The following TRPM3 variants were observed in gnomAD, a reference collection of about 807,000 sequenced individuals.
The protein encoded by TRPM3 is transient receptor potential cation channel subfamily M member 3.
TRPM3 carries 77 observed loss-of-function variants against 181.2 expected under a neutral mutation model. That is an observed-to-expected ratio of 0.42 (90% CI 0.35 to 0.51). The LOEUF (loss-of-function observed/expected upper bound fraction) is 0.51, where lower values mean the gene tolerates loss of function less well. Among genes scored for constraint, TRPM3 ranks in the 20% least tolerant of loss-of-function variants. The pLI is 0.01. For missense variants in TRPM3, 1,759 were observed against 2,196.7 expected (o/e 0.80, Z 3.98); for synonymous variants, 745 against 796.4 (o/e 0.94, Z 1.09).
chr9:70,969,777 TATAC>T lies in TRPM3; in HGVS notation c.178-105270_178-105267del, dbSNP rs1017689724. 9.5e-5 allele frequency among the ~76,000 whole-genome samples: 12 copies of T among 125,868 alleles called. 1 individual carries two copies. The highest frequency in any genetic ancestry group is 2.6e-4 in the South Asian group (1 of 3,906). The allele number at this position is 125,868 out of a possible 152,430, so 82.6% of individuals were successfully genotyped here. A position where few individuals can be genotyped will look rare whatever the true frequency, so the allele number is the denominator to read the frequency against. ...GATTTTATATATATATATATATATA[TATAC>T]ACACACACACTAAGAAATTATATAA... On this transcript the variant is annotated intron_variant, in intron 1 of 25. Coordinates refer to ENST00000677713, the MANE Select transcript of TRPM3 (RefSeq NM_001366145.2).
chr9:71,288,605 T>C (rs921849309), intron 1 of TRPM3, among the ~76,000 whole-genome samples: 1 of 152,052 alleles, frequency 6.6e-6, no homozygotes, highest in African/African-American at 2.4e-5. Flanking sequence ...TTAAAAGGCA[T>C]TTTCACACAG....
chr9:70,854,749 A>C (rs2132241298), intron 3 of TRPM3, among the ~76,000 whole-genome samples: 1 of 152,268 alleles, frequency 6.6e-6, no homozygotes, highest in African/African-American at 2.4e-5. Flanking sequence ...TTCTGTCATT[A>C]GCGTCACTGC....
At chr9:70,908,891 G>A (rs553413087) in intron 1 of TRPM3, among the ~76,000 whole-genome samples, 3 of 152,284 alleles carry the variant, frequency 2.0e-5, no homozygotes, top group South Asian at 2.1e-4. Flanking sequence ...GACAAATGGT[G>A]CTGTGTCAAC....
chr9:71,148,483 C>T (rs2075556025), intron 1 of TRPM3, among the ~76,000 whole-genome samples: 6 of 152,048 alleles, frequency 3.9e-5, no homozygotes, highest in Admixed American at 3.9e-4. Flanking sequence ...ATTTTAGATG[C>T]TTATGTGTTT....
chr9:71,249,331 T>C (rs917321032), intron 1 of TRPM3, among the ~76,000 whole-genome samples: 6 of 152,214 alleles, frequency 3.9e-5, no homozygotes, highest in Non-Finnish European at 5.9e-5. Context: ...AAACTCTACA[T>C]TGGAGCTTTG....
intron 1 of TRPM3, among the ~76,000 whole-genome samples, chr9:71,188,785 C>T (rs2077836833): frequency 6.6e-6 from 1 of 151,868 alleles, no homozygotes; most frequent in African/African-American, 2.4e-5. Context: ...ACAAGTTACT[C>T]AACAACTTTT....
intron 1 of TRPM3, among the ~76,000 whole-genome samples, chr9:71,113,838 T>C (rs773584210): frequency 2.0e-5 from 3 of 152,206 alleles, no homozygotes; most frequent in Non-Finnish European, 2.9e-5. Flanking sequence ...ATCTCTTTAC[T>C]AAAGCATTAC....
chr9:70,880,371 C>T (rs1397095770), intron 1 of TRPM3, among the ~76,000 whole-genome samples: 1 of 152,074 alleles, frequency 6.6e-6, no homozygotes, highest in Non-Finnish European at 1.5e-5. Flanking sequence ...CAGATTCAGA[C>T]TAACCTGAAA....
In TRPM3 at chr9:70,867,799, A is replaced by G. The variant is rs528213675; in HGVS notation, c.178-3288T>C. On this transcript the variant is annotated intron_variant, in intron 1 of 25. Transcript: ENST00000677713. ...GCTTTTATTCAGGTCTTTAGTGTGA[A>G]CATCATATATTAGATTTTTAAATTT... Among the ~76,000 whole-genome samples, 17 of 152,218 alleles carry G rather than the reference A, an allele frequency of 1.1e-4. 1 individual carries two copies. The East Asian group carries it at 3.3e-3, about 29-fold the overall frequency.
intron 6 of TRPM3, chr9:70,824,794 A>G (rs1432838418): frequency 6.6e-6 from 1 of 152,228 alleles, no homozygotes; most frequent in Admixed American, 6.5e-5. Flanking sequence ...GCTGTTCTAA[A>G]TTGCTGACTG....
chr9:71,011,478 G>C (rs183714462), intron 1 of TRPM3, among the ~76,000 whole-genome samples: 1 of 152,096 alleles, frequency 6.6e-6, no homozygotes, highest in Admixed American at 6.5e-5. Flanking sequence ...GAGACTACTT[G>C]CACAGTATTT....
chr9:70,670,127 G>C (rs1036804381), intron 9 of TRPM3, among the ~76,000 whole-genome samples: 3 of 152,238 alleles, frequency 2.0e-5, no homozygotes, highest in East Asian at 1.9e-4. Flanking sequence ...AGTCACAGGT[G>C]AAATTTCTCT....
upstream of TRPM3, chr9:71,121,707 T>TG (rs1034325767): frequency 2.6e-5 from 24 of 938,322 alleles, no homozygotes; most frequent in Admixed American, 1.1e-4. Flanking sequence ...TAGCTTGGTT[T>TG]GGGGGGGAGC....
intron 1 of TRPM3, among the ~76,000 whole-genome samples, chr9:71,429,122 A>C (rs1409195711): frequency 2.0e-5 from 3 of 152,178 alleles, no homozygotes; most frequent in African/African-American, 7.2e-5. Context: ...GTGGATCTTC[A>C]CTGTTCTCCT....
rs143716559 is a variant in TRPM3 at position 70,976,216 on chromosome 9, AG to A, written c.178-111706del. 9.4e-3 allele frequency among the ~76,000 whole-genome samples: 1,436 copies of A among 152,318 alleles called. 15 individuals carry two copies. Among genetic ancestry groups the A allele is most frequent in the Non-Finnish European group, 0.012 (848 of 68,034 alleles). On this transcript the variant is annotated intron_variant, in intron 1 of 25. Transcript: ENST00000677713. ...ACAACTCAGCATGACACATGGGTCA[AG>A]AAGGAGCAAGGTGGATTGAGCATCC...
chr9:70,887,236 A>G (rs1314106698), intron 1 of TRPM3, among the ~76,000 whole-genome samples: 2 of 152,174 alleles, frequency 1.3e-5, no homozygotes, highest in Non-Finnish European at 2.9e-5. Context: ...GGTTTTATTA[A>G]GCTCAAATTG....
intron 1 of TRPM3, among the ~76,000 whole-genome samples, chr9:70,921,675 C>G (rs968005105): frequency 6.6e-6 from 1 of 152,180 alleles, no homozygotes; most frequent in African/African-American, 2.4e-5. Context: ...ACTTCTAACA[C>G]AAAGACCCAT....
intron 1 of TRPM3, among the ~76,000 whole-genome samples, chr9:71,239,749 A>T (rs1295525044): frequency 2.0e-5 from 3 of 152,148 alleles, no homozygotes. Flanking sequence ...TTAGTAACTT[A>T]TTAAATGGGC....
chr9:70,986,897 T>C (rs1000118370), intron 1 of TRPM3, among the ~76,000 whole-genome samples: 4 of 151,928 alleles, frequency 2.6e-5, no homozygotes, highest in Admixed American at 6.6e-5. Flanking sequence ...TGTCTTCTGA[T>C]AGAACTTTCT....
Sources: allele counts gnomAD v4.1 joint callset (sites outside exome capture counted in the v4.1 genomes callset), GRCh38; gene constraint gnomAD v4.1.1; transcripts MANE v1.5; gene names NCBI Gene and HGNC (gene_info 2026-07-23, HGNC 2026-07-21).